HDAC5: variants seen among roughly 807,000 people sequenced by gnomAD.
HDAC5 encodes the protein antigen NY-CO-9.
In HDAC5, 25 loss-of-function variants were observed where a neutral mutation model predicts 133.3. That is an observed-to-expected ratio of 0.19 (90% confidence interval 0.14 to 0.26). HDAC5 has a LOEUF of 0.26. Ranked by LOEUF, HDAC5 falls within the 10% of genes least tolerant of loss-of-function variation. HDAC5 has a pLI of 1.00. For missense variants in HDAC5, 1,041 were observed against 1,460.5 expected, an observed-to-expected ratio of 0.71 and a Z score of 4.68; for synonymous variants, 589 against 610.8, an observed-to-expected ratio of 0.96 and a Z score of 0.53.
intron 3 of HDAC5, among the ~76,000 whole-genome samples, chr17:44,105,970 G>A (rs560878280): frequency 1.2e-4 from 18 of 152,304 alleles, no homozygotes; most frequent in Admixed American, 6.5e-4. Context: ...TTGTTGGGGG[G>A]GCAGGGTGTC....
At chr17:44,112,046 G>A (rs909595858) in intron 2 of HDAC5, among the ~76,000 whole-genome samples, 3 of 152,132 alleles carry the variant, frequency 2.0e-5, no homozygotes, top group Admixed American at 1.3e-4. Context: ...ACAGGGAGAT[G>A]AAGTCACTCA....
At position 44,086,802 on chromosome 17, in the gene HDAC5, T is replaced by C. The variant is rs1405867160; in HGVS notation, c.1885-65A>G. Reference sequence around the variant, plus strand: ...CCAGGACAGGGGTGAGGGCAGGCCCTGTCAGGGCCTCCAGTGGGGCCCCAA... The same window carrying C: ...CCAGGACAGGGGTGAGGGCAGGCCCCGTCAGGGCCTCCAGTGGGGCCCCAA... On this transcript the variant is annotated intron_variant, in intron 13 of 26. Transcript: ENST00000682912. The C allele has an allele frequency of 9.1e-6, 11 of 1,210,816 alleles. No individual in the cohort carries two copies. In the East Asian group the frequency reaches 1.5e-4, roughly 17 times the overall value. 75.0% of individuals were successfully genotyped at this position (1,210,816 alleles called of 1,614,324 possible).
chr17:44,105,583 CA>C (rs1478994930), intron 3 of HDAC5, among the ~76,000 whole-genome samples: 2 of 152,212 alleles, frequency 1.3e-5, no homozygotes, highest in African/African-American at 2.4e-5. Flanking sequence ...AAGCACAGCA[CA>C]GCCCTGGGTG....
intron 11 of HDAC5, among the ~76,000 whole-genome samples, chr17:44,090,460 C>T (rs1402042401): frequency 5.9e-5 from 9 of 151,844 alleles, no homozygotes; most frequent in Non-Finnish European, 1.2e-4. Flanking sequence ...CTGCAACCTC[C>T]GCCTCCTGGG....
intron 1 of HDAC5, among the ~76,000 whole-genome samples, chr17:44,122,028 A>G (rs548495116): frequency 6.6e-6 from 1 of 152,224 alleles, no homozygotes; most frequent in East Asian, 1.9e-4. Flanking sequence ...AGGAGTCAAG[A>G]AAAGAGGAAG....
chr17:44,100,416 T>G (rs192520410), intron 3 of HDAC5, among the ~76,000 whole-genome samples: 21 of 151,862 alleles, frequency 1.4e-4, no homozygotes, highest in Admixed American at 7.2e-4. Flanking sequence ...CATCTAGCTC[T>G]AAAAGACCCT....
intron 3 of HDAC5, among the ~76,000 whole-genome samples, chr17:44,098,010 G>A (rs146678259): frequency 2.6e-5 from 4 of 152,368 alleles, no homozygotes; most frequent in African/African-American, 9.6e-5. Flanking sequence ...CATGCAAACA[G>A]GAAGCACAGG....
At chr17:44,083,270 C>A (rs2050482958) in intron 18 of HDAC5, among the ~76,000 whole-genome samples, 1 of 152,240 alleles carries the variant, frequency 6.6e-6, no homozygotes, top group Admixed American at 6.5e-5. Flanking sequence ...TGTGCCCAGC[C>A]TCAACGGACC....
At chr17:44,095,163 A>G (rs1386233907) in intron 3 of HDAC5, among the ~76,000 whole-genome samples, 1 of 152,214 alleles carries the variant, frequency 6.6e-6, no homozygotes, top group Non-Finnish European at 1.5e-5. Flanking sequence ...TAAATATCAC[A>G]GTTACCCTAT....
intron 18 of HDAC5, 27 bp from the exon 19 acceptor site, chr17:44,082,847 G>A (rs1480046517): frequency 1.3e-6 from 2 of 1,551,028 alleles, no homozygotes; most frequent in African/African-American, 1.4e-5. Context: ...AGAGGTGAGG[G>A]GCAAGATCCA....
At chr17:44,081,394 C>T (rs374407900) in intron 20 of HDAC5, among the ~76,000 whole-genome samples, 1 of 151,578 alleles carries the variant, frequency 6.6e-6, no homozygotes, top group South Asian at 2.1e-4. Flanking sequence ...GGATTACAGG[C>T]GCCCACCACT....
rs1385490673 is a variant in HDAC5 at position 44,123,583 on chromosome 17, G to C, written c.-269C>G. The C allele has an allele frequency of 7.5e-6, 3 of 399,454 alleles. No homozygotes were observed. Among genetic ancestry groups the C allele is most frequent in the Non-Finnish European group, 1.3e-5 (3 of 227,208 alleles). 24.7% of individuals were successfully genotyped at this position (399,454 alleles called of 1,614,324 possible). ...CAGCGGCGGCAGCACCTCCTCGACG[G>C]CTCCTCCATCTTTGCGGCGGCTCCT... On this transcript the variant is annotated 5_prime_UTR_variant, in exon 1 of 27. Transcript: ENST00000682912.
In HDAC5 at chr17:44,087,661, G is replaced by A. The variant is rs919188648; in HGVS notation, c.1635C>T (p.Pro545=). The A allele has an allele frequency of 6.2e-7, 1 of 1,607,042 alleles. No individual in the cohort carries two copies. Among genetic ancestry groups the A allele is most frequent in the South Asian group, 1.1e-5 (1 of 90,242 alleles). Residue 545 remains proline, a synonymous_variant, in exon 13 of 27, where the codon CCC becomes CCT. Coordinates refer to ENST00000682912, the MANE Select transcript of HDAC5 (RefSeq NM_005474.5). ...CCTCTGTCTCCTCAGGGTGGGTGGT[G>A]GGCTGCCTGGGCAGCTCCCCTGTCT... ...LTKTGELPRQ[P]TTHPEETEEE... is the part of the protein sequence containing the mutation.
At position 44,093,338 on chromosome 17, in the gene HDAC5, G is replaced by A. The variant is rs749373480; in HGVS notation, c.502C>T (p.Arg168Trp). 9 of 1,585,094 alleles carry A rather than the reference G, an allele frequency of 5.7e-6. No homozygotes were observed. The highest frequency in any genetic ancestry group is 1.8e-5 in the Admixed American group (1 of 56,544). Residue 168 changes from arginine (R) to tryptophan (W), a missense_variant, in exon 5 of 27, where the codon CGG becomes TGG. This residue lies in a region of HDAC5 where 109 missense variants were observed against 168.0 expected (regional missense o/e 0.65). Coordinates refer to ENST00000682912, the MANE Select transcript of HDAC5 (RefSeq NM_005474.5). ...CTCTCTTTGCTCTTCTCCTTGTTCCGCAGGATGAGCAGCTGCTGCTCCAGC... is the reference window on the plus strand; with the variant it reads ...CTCTCTTTGCTCTTCTCCTTGTTCCACAGGATGAGCAGCTGCTGCTCCAGC... ...QRLEQQLLIL[R>W]NKEKSKESAI... is the part of the protein sequence containing the mutation.
At chr17:44,110,835 C>T (rs751428797) in intron 2 of HDAC5, 35 bp from the exon 3 acceptor site, 20 of 1,551,076 alleles carry the variant, frequency 1.3e-5, no homozygotes, top group Non-Finnish European at 1.6e-5. Context: ...CATAGATGGT[C>T]TGCAGCATCT....
intron 3 of HDAC5, among the ~76,000 whole-genome samples, chr17:44,095,211 G>C (rs531194241): frequency 1.5e-3 from 234 of 152,294 alleles, no homozygotes; most frequent in Non-Finnish European, 2.7e-3. Context: ...TACTGATGAG[G>C]AAACTGAGGT....
intron 3 of HDAC5, among the ~76,000 whole-genome samples, chr17:44,105,227 C>G (rs2051858043): frequency 6.6e-6 from 1 of 152,184 alleles, no homozygotes; most frequent in South Asian, 2.1e-4. Context: ...AACATCTGAG[C>G]CCAGGGGTGC....
chr17:44,088,317 C>A, intron 12 of HDAC5, 70 bp downstream of exon 12: 7 of 1,503,340 alleles, frequency 4.7e-6, no homozygotes, highest in Non-Finnish European at 5.3e-6. Flanking sequence ...GAGGACTTTT[C>A]TGCCAGCCTG....
intron 24 of HDAC5, 25 bp downstream of exon 24, chr17:44,079,119 C>G (rs370415772): frequency 1.2e-5 from 20 of 1,601,004 alleles, no homozygotes; most frequent in Non-Finnish European, 1.7e-5. Flanking sequence ...GGCCTGCCAC[C>G]TCCCAGCTCC....
Sources: gnomAD v4.1 joint callset for allele counts (sites outside exome capture counted in the v4.1 genomes callset) on GRCh38, gnomAD v4.1.1 for gene constraint, gnomAD v4.1.1 regional missense constraint, MANE v1.5 for transcripts, NCBI Gene and HGNC (gene_info 2026-07-23, HGNC 2026-07-21) for gene names.